The following PITPNC1 variants were observed in gnomAD, a reference collection of about 807,000 sequenced individuals.
The protein encoded by PITPNC1 is phosphatidylinositol transfer protein cytoplasmic 1, also known as cytoplasmic phosphatidylinositol transfer protein 1.
Under a neutral mutation model 44.7 loss-of-function variants are expected in PITPNC1, and 18 were observed. That is an observed-to-expected ratio of 0.40 (90% CI 0.28 to 0.60). The LOEUF is 0.60. PITPNC1 is among the 20% of genes least tolerant of loss of function. PITPNC1 has a pLI of 0.39. For synonymous variants in PITPNC1, 141 were observed against 149.6 expected, an observed-to-expected ratio of 0.94 and a Z score of 0.42; for missense variants, 290 against 418.4, an observed-to-expected ratio of 0.69 and a Z score of 2.68.
intron 6 of PITPNC1, among the ~76,000 whole-genome samples, chr17:67,650,759 G>T (rs965967603): frequency 6.6e-6 from 1 of 151,996 alleles, no homozygotes; most frequent in African/African-American, 2.4e-5. Flanking sequence ...CCAAAACCAT[G>T]GACTATTACA....
At chr17:67,598,682 G>A (rs1390700005) in intron 5 of PITPNC1, among the ~76,000 whole-genome samples, 1 of 152,032 alleles carries the variant, frequency 6.6e-6, no homozygotes, top group East Asian at 1.9e-4. Flanking sequence ...CTGAGGTCAG[G>A]AGTTCATGAC....
chr17:67,576,429 A>G (rs2041151220), intron 4 of PITPNC1, among the ~76,000 whole-genome samples: 1 of 152,220 alleles, frequency 6.6e-6, no homozygotes, highest in African/African-American at 2.4e-5. Context: ...CATTTGTAGC[A>G]GTGTCTGGTA....
chr17:67,491,434 T>A (rs944867473), intron 1 of PITPNC1, among the ~76,000 whole-genome samples: 1 of 152,228 alleles, frequency 6.6e-6, no homozygotes, highest in Non-Finnish European at 1.5e-5. Flanking sequence ...GCATCAAGTC[T>A]GCCCACCAGG....
intron 1 of PITPNC1, among the ~76,000 whole-genome samples, chr17:67,455,715 T>G (rs1358230099): frequency 6.6e-6 from 1 of 152,110 alleles, no homozygotes; most frequent in Non-Finnish European, 1.5e-5. Context: ...ATGCTGGGAT[T>G]ACAGACGTGA....
chr17:67,624,967 A>G (rs886247930), intron 5 of PITPNC1, among the ~76,000 whole-genome samples: 4 of 152,340 alleles, frequency 2.6e-5, no homozygotes, highest in Middle Eastern at 3.4e-3. Flanking sequence ...TTTGGAATCT[A>G]TAACATGGTA....
intron 5 of PITPNC1, among the ~76,000 whole-genome samples, chr17:67,629,770 T>C (rs1432740245): frequency 6.6e-6 from 1 of 152,236 alleles, no homozygotes; most frequent in Non-Finnish European, 1.5e-5. Flanking sequence ...TTCGAGGCAG[T>C]TCACTTGTCC....
At chr17:67,638,920 G>A (rs1598918789) in intron 6 of PITPNC1, 1 of 151,506 alleles carries the variant, frequency 6.6e-6, no homozygotes, top group South Asian at 2.1e-4. Context: ...AGAACAGCCG[G>A]AGCCACACAG....
At chr17:67,503,788 A>T (rs756086453) in intron 1 of PITPNC1, among the ~76,000 whole-genome samples, 3 of 152,218 alleles carry the variant, frequency 2.0e-5, no homozygotes, top group Non-Finnish European at 4.4e-5. Context: ...TCTGTTGGGC[A>T]GACAATGGTT....
chr17:67,481,214 T>C (rs1030217123), intron 1 of PITPNC1, among the ~76,000 whole-genome samples: 4 of 152,202 alleles, frequency 2.6e-5, no homozygotes, highest in African/African-American at 9.6e-5. Flanking sequence ...CCTGCCTTGT[T>C]ATCTTCTAAA....
At chr17:67,454,080 G>A (rs565817775) in intron 1 of PITPNC1, among the ~76,000 whole-genome samples, 40 of 152,140 alleles carry the variant, frequency 2.6e-4, no homozygotes, top group African/African-American at 9.4e-4. Context: ...GTGAAACCCC[G>A]TCTCTACTAA....
At chr17:67,579,110 C>T (rs2041191908) in intron 5 of PITPNC1, among the ~76,000 whole-genome samples, 1 of 152,260 alleles carries the variant, frequency 6.6e-6, no homozygotes, top group African/African-American at 2.4e-5. Flanking sequence ...GGGGTACCCC[C>T]ACAAAATATT....
intron 1 of PITPNC1, among the ~76,000 whole-genome samples, chr17:67,494,201 C>CTTTCTTTCTTTCTTTCTT (rs2039907433): frequency 1.7e-4 from 25 of 145,680 alleles, no homozygotes; most frequent in African/African-American, 6.3e-4. Context: ...TTCTTTCTTT[C>CTTTCTTTCTTTCTTTCTT]TTTCTTTCTT....
intron 1 of PITPNC1, among the ~76,000 whole-genome samples, chr17:67,409,945 T>G (rs2038467553): frequency 6.6e-6 from 1 of 152,222 alleles, no homozygotes; most frequent in South Asian, 2.1e-4. Flanking sequence ...TTCCAGAAGT[T>G]GCTATTATGA....
chr17:67,671,108 G>T (rs1002603297), intron 7 of PITPNC1, among the ~76,000 whole-genome samples: 2 of 152,090 alleles, frequency 1.3e-5, no homozygotes, highest in Admixed American at 1.3e-4. Context: ...GGATGGTCTC[G>T]ATCTCTTGAC....
intron 1 of PITPNC1, among the ~76,000 whole-genome samples, chr17:67,482,415 C>T (rs892300): frequency 0.022 from 3,330 of 152,116 alleles, 121 homozygotes; most frequent in East Asian, 0.12. Flanking sequence ...AATCATATAA[C>T]ACATTACCTC....
At chr17:67,490,742 C>T (rs550559779) in intron 1 of PITPNC1, among the ~76,000 whole-genome samples, 2 of 152,282 alleles carry the variant, frequency 1.3e-5, no homozygotes, top group African/African-American at 4.8e-5. Context: ...GAGTTGGGGG[C>T]TTTGTCAGTC....
Position 67,382,856 on chromosome 17 carries a change from C to G in PITPNC1, c.48+4654C>G, listed in dbSNP as rs1312518612. Reference sequence around the variant, plus strand: ...GGTCAGGCTTGTCTCGAACTCCTGACCTCAGGCGATCCGCCCACTTTGGGC... The same window carrying G: ...GGTCAGGCTTGTCTCGAACTCCTGAGCTCAGGCGATCCGCCCACTTTGGGC... On this transcript the variant is annotated intron_variant, in intron 1 of 8. Coordinates refer to ENST00000581322, the MANE Select transcript of PITPNC1 (RefSeq NM_012417.4). 3.4e-5 allele frequency among the ~76,000 whole-genome samples: 5 copies of G among 145,414 alleles called. No homozygotes were observed. The East Asian group carries it at 1.1e-3, about 31-fold the overall frequency.
chr17:67,510,282 T>C (rs1172821612), intron 1 of PITPNC1, among the ~76,000 whole-genome samples: 1 of 152,224 alleles, frequency 6.6e-6, no homozygotes, highest in African/African-American at 2.4e-5. Context: ...TGTCTGCAGA[T>C]CTGGGAATCA....
At chr17:67,664,656 C>G (rs1446698294) in intron 6 of PITPNC1, among the ~76,000 whole-genome samples, 1 of 152,122 alleles carries the variant, frequency 6.6e-6, no homozygotes, top group Non-Finnish European at 1.5e-5. Flanking sequence ...GTAATGCCAG[C>G]ACTTCGGGAG....
Sources: allele counts gnomAD v4.1 joint callset (sites outside exome capture counted in the v4.1 genomes callset), GRCh38; gene constraint gnomAD v4.1.1; transcripts MANE v1.5; gene names NCBI Gene and HGNC (gene_info 2026-07-23, HGNC 2026-07-21).